Variants in TUFT1 observed in about 807,000 individuals in gnomAD.
TUFT1 encodes tuftelin 1.
TUFT1 carries 43 observed loss-of-function variants against 57.8 expected under a neutral mutation model. The ratio of observed to expected loss-of-function variants is 0.74; its 90% CI spans 0.58 to 0.96. The LOEUF (loss-of-function observed/expected upper bound fraction) is 0.96. TUFT1 is among the 40% of genes least tolerant of loss of function. TUFT1 has a pLI of 0.00. For synonymous variants in TUFT1, 166 were observed against 176.7 expected, an observed-to-expected ratio of 0.94 and a Z score of 0.48; for missense variants, 459 against 489.0, an observed-to-expected ratio of 0.94 and a Z score of 0.58.
At chr1:151,574,163 C>T (rs1195278542) in intron 7 of TUFT1, 107 bp from the exon 8 acceptor site, 10 of 1,417,884 alleles carry the variant, frequency 7.1e-6, no homozygotes, top group Middle Eastern at 1.9e-4. Context: ...ACCTTTCTCC[C>T]GTCATGGCTC....
intron 7 of TUFT1, among the ~76,000 whole-genome samples, chr1:151,571,365 A>G (rs1666246262): frequency 6.6e-6 from 1 of 151,032 alleles, no homozygotes; most frequent in East Asian, 1.9e-4. Flanking sequence ...TGTTGTGTAG[A>G]TCGAGTGAGG....
chr1:151,557,848 G>T, intron 1 of TUFT1: 1 of 743,668 alleles, frequency 1.3e-6, no homozygotes, highest in Non-Finnish European at 2.5e-6. Flanking sequence ...GCCGCCTGGT[G>T]CCGACAGCAA....
rs1468299854 is a variant in TUFT1, at chr1:151,581,544, G to T, written c.1110-100G>T. 2.5e-6 allele frequency: 3 copies of T among 1,195,672 alleles called. No individual in the cohort carries two copies. The East Asian group carries it at 7.3e-5, about 29-fold the overall frequency. 74.1% of individuals were successfully genotyped at this position (1,195,672 alleles called of 1,614,324 possible). Reference sequence around the variant, plus strand: ...GTGATCAGCCAGCACTGCAGTGTAAGATTCCAGAGGCCAATGTGAAGATTC... The same window carrying T: ...GTGATCAGCCAGCACTGCAGTGTAATATTCCAGAGGCCAATGTGAAGATTC... On this transcript the variant is annotated intron_variant, in intron 12 of 12. Coordinates refer to ENST00000368849, the MANE Select transcript of TUFT1 (RefSeq NM_020127.3).
intron 4 of TUFT1, 56 bp downstream of exon 4, chr1:151,564,046 T>G (rs1665985578): frequency 2.2e-6 from 3 of 1,387,408 alleles, no homozygotes; most frequent in Non-Finnish European, 3.0e-6. Context: ...AATCTCACAT[T>G]TTTTGTGACT....
chr1:151,581,852 C>G lies in TUFT1; in HGVS notation c.*145C>G. On this transcript the variant is annotated 3_prime_UTR_variant, in exon 13 of 13. Coordinates refer to ENST00000368849, the MANE Select transcript of TUFT1 (RefSeq NM_020127.3). ...TCGGGCTCCTGTGTCTCACCATTCC[C>G]AAGCCCCTGGCCACTCTAAGCTGGG... The G allele has an allele frequency of 3.7e-6, 3 of 811,768 alleles. No homozygotes were observed. Among genetic ancestry groups the G allele is most frequent in the Non-Finnish European group, 6.1e-6 (3 of 488,702 alleles). The allele number at this position is 811,768 out of a possible 1,614,324, so 50.3% of individuals were successfully genotyped here. A position where few individuals can be genotyped will look rare whatever the true frequency, so the allele number is the denominator to read the frequency against.
At chr1:151,550,009 A>G (rs1164085543) in intron 1 of TUFT1, among the ~76,000 whole-genome samples, 2 of 152,192 alleles carry the variant, frequency 1.3e-5, no homozygotes, top group Middle Eastern at 3.2e-3. Context: ...GGCGTGAGCC[A>G]ACATGCCTAG....
chr1:151,540,364 A>G lies in TUFT1; in HGVS notation c.-3A>G, dbSNP rs369344483. The stretch of plus-strand genomic sequence containing the variant: ...GGCGTGTGTGCTGCGACCCCGAGGG[A>G]AGATGAACGGGACGCGGAACTGGTG... On this transcript the variant is annotated 5_prime_UTR_variant, in exon 1 of 13. Transcript: ENST00000368849. The G allele has an allele frequency of 3.7e-6, 6 of 1,613,916 alleles. No homozygotes were observed. In the African/African-American group the frequency reaches 8.0e-5, roughly 22 times the overall value.
At position 151,577,500 on chromosome 1, in the gene TUFT1, G is replaced by A. The variant is rs528747142; in HGVS notation, c.819-1221G>A. Among the ~76,000 whole-genome samples, 27 of 152,210 alleles carry A rather than the reference G, an allele frequency of 1.8e-4. No homozygotes were observed. The East Asian group carries it at 4.8e-3, about 27-fold the overall frequency. On this transcript the variant is annotated intron_variant, in intron 9 of 12. Coordinates refer to ENST00000368849, the MANE Select transcript of TUFT1 (RefSeq NM_020127.3). ...TGTGACCAAATATAACAAAACATAGGTGCTGTATGTCAGGAACCGGGACAG... is the reference window on the plus strand; with the variant it reads ...TGTGACCAAATATAACAAAACATAGATGCTGTATGTCAGGAACCGGGACAG...
chr1:151,552,208 G>A (rs1665534017), intron 1 of TUFT1, among the ~76,000 whole-genome samples: 1 of 152,196 alleles, frequency 6.6e-6, no homozygotes, highest in Non-Finnish European at 1.5e-5. Context: ...GTTGTACAAA[G>A]TTCCATTGTA....
intron 8 of TUFT1, 139 bp from the exon 9 acceptor site, chr1:151,574,772 C>A: frequency 1.4e-6 from 1 of 735,442 alleles, no homozygotes; most frequent in Non-Finnish European, 2.3e-6. Context: ...GGCTCCCCAT[C>A]AAACCAGCTC....
At chr1:151,546,442 G>A (rs1310632610) in intron 1 of TUFT1, among the ~76,000 whole-genome samples, 4 of 152,102 alleles carry the variant, frequency 2.6e-5, no homozygotes, top group African/African-American at 9.7e-5. Flanking sequence ...CATTCACAGA[G>A]TTGTGCAATC....
intron 1 of TUFT1, among the ~76,000 whole-genome samples, chr1:151,560,871 G>C (rs1230232275): frequency 6.6e-6 from 1 of 151,888 alleles, no homozygotes; most frequent in Non-Finnish European, 1.5e-5. Flanking sequence ...TTCTCTCAAC[G>C]TTATCATCTT....
At chr1:151,579,931 G>A (rs1666590152) in intron 11 of TUFT1, among the ~76,000 whole-genome samples, 199 bp downstream of exon 11, 1 of 152,156 alleles carries the variant, frequency 6.6e-6, no homozygotes. Context: ...ACAATGATGA[G>A]ATGACCACCC....
chr1:151,561,505 A>ACG (rs1384986859), intron 1 of TUFT1: 2 of 954,230 alleles, frequency 2.1e-6, no homozygotes, highest in South Asian at 4.9e-5. Context: ...ACACACACAC[A>ACG]CTTCTTTGAC....
intron 1 of TUFT1, chr1:151,558,006 A>G (rs568982665): frequency 5.7e-5 from 26 of 456,770 alleles, no homozygotes; most frequent in South Asian, 3.7e-4. Context: ...AAAAAAAGAA[A>G]ACCTAAGAGG....
intron 1 of TUFT1, among the ~76,000 whole-genome samples, chr1:151,543,617 A>G (rs1348583842): frequency 3.9e-5 from 6 of 152,204 alleles, no homozygotes; most frequent in Admixed American, 3.9e-4. Context: ...AAGCTTAGAA[A>G]GCCCTAACCA....
chr1:151,540,489 T>A, intron 1 of TUFT1, 63 bp downstream of exon 1: 2 of 1,593,278 alleles, frequency 1.3e-6, no homozygotes, highest in Non-Finnish European at 1.7e-6. Flanking sequence ...GTCCGCCCCT[T>A]CCGTGCCCCG....
At chr1:151,575,152 G>T in intron 9 of TUFT1, 147 bp downstream of exon 9, 1 of 722,518 alleles carries the variant, frequency 1.4e-6, no homozygotes, top group East Asian at 2.7e-5. Flanking sequence ...CCGTGAGCTT[G>T]CTCAGGGTGG....
Position 151,579,690 on chromosome 1 carries a change from C to A in TUFT1, c.966C>A (p.Thr322=). ...CTGTGATCCAGTCAAAGGACGCCAC[C>A]ATCCAGGAGCTCAAGGAGAAAATCG... ...SKAVIQSKDA[T]IQELKEKIAY... The change falls in exon 11 of 13, where the codon ACC becomes ACA. Residue 322 remains threonine (T), a synonymous_variant. Transcript: ENST00000368849. 6.2e-7 allele frequency: 1 copy of A among 1,614,026 alleles called. No individual in the cohort carries two copies. The highest frequency in any genetic ancestry group is 1.1e-5 in the South Asian group (1 of 91,032).
Sources: allele counts gnomAD v4.1 joint callset (sites outside exome capture counted in the v4.1 genomes callset), GRCh38; gene constraint gnomAD v4.1.1; transcripts MANE v1.5; gene names NCBI Gene and HGNC (gene_info 2026-07-23, HGNC 2026-07-21).